Variants in ERI2 observed in about 807,000 individuals in gnomAD.
ERI2 encodes ERI1 exoribonuclease 2.
ERI2 carries 35 observed loss-of-function variants against 46.8 expected under a neutral mutation model. The observed-to-expected ratio is 0.75, with a 90% CI of 0.57 to 0.99. ERI2 has a LOEUF of 0.99. Among genes scored for constraint, ERI2 ranks in the 50% least tolerant of loss-of-function variants. ERI2 has a pLI of 0.00. For synonymous variants in ERI2, 224 were observed against 271.0 expected (o/e 0.83, Z 1.70); for missense variants, 695 against 796.2 (o/e 0.87, Z 1.53).
At chr16:20,792,288 G>A (rs779369829), downstream of ERI2, 1 of 1,614,132 alleles carries the variant, frequency 6.2e-7, no homozygotes, top group Admixed American at 1.7e-5. Context: ...ACACCCTTCA[G>A]TTGCAGAGTC....
rs537290265 is a variant in ERI2, at chr16:20,780,585, C to G, written c.*57G>C. On this transcript the variant is annotated 3_prime_UTR_variant, in exon 11 of 11. Transcript: ENST00000300005. Reference sequence around the variant, plus strand: ...AAGTGATGGCTTTTACCCTGTAATTCAAGCTAAGCCACTGGCACCTGATTC... The same window carrying G: ...AAGTGATGGCTTTTACCCTGTAATTGAAGCTAAGCCACTGGCACCTGATTC... The G allele has an allele frequency of 8.2e-6, 13 of 1,591,616 alleles. No individual in the cohort carries two copies. In the Admixed American group the frequency reaches 1.0e-4, roughly 12 times the overall value.
chr16:20,796,159 G>C, downstream of ERI2: 1 of 706,722 alleles, frequency 1.4e-6, no homozygotes, highest in African/African-American at 1.8e-5. Context: ...GCTGGATGAG[G>C]CTGGGTTGTT....
intron 8 of ERI2, chr16:20,791,067 G>T: frequency 2.5e-6 from 2 of 797,928 alleles, no homozygotes; most frequent in Non-Finnish European, 4.0e-6. Context: ...GGGGGTGGTG[G>T]GATTAAGCAA....
chr16:20,783,222 C>T (rs1351947041), intron 10 of ERI2: 1 of 152,114 alleles, frequency 6.6e-6, no homozygotes, highest in African/African-American at 2.4e-5. Flanking sequence ...AAACTAGAGT[C>T]AAAGGCAAAA....
downstream of ERI2, among the ~76,000 whole-genome samples, chr16:20,795,166 A>G (rs897714355): frequency 2.0e-5 from 3 of 152,222 alleles, no homozygotes; most frequent in African/African-American, 7.2e-5. Flanking sequence ...GCACATGTAA[A>G]TTAAAAATGT....
At chr16:20,789,436 G>A in intron 10 of ERI2, 5 of 1,384,070 alleles carry the variant, frequency 3.6e-6, no homozygotes, top group Non-Finnish European at 5.1e-6. Context: ...GGAATGATGA[G>A]GATTGGAGAG....
chr16:20,780,416 G>A (rs1417650867), exon 11 of ERI2: 2 of 550,458 alleles, frequency 3.6e-6, no homozygotes, highest in Admixed American at 6.5e-5. Flanking sequence ...TACTCTGCTG[G>A]AGGTATGATA....
chr16:20,789,375 T>G, intron 10 of ERI2: 1 of 823,956 alleles, frequency 1.2e-6, no homozygotes, highest in South Asian at 1.5e-5. Context: ...CATTAATTAC[T>G]TAGCATGTAT....
intron 10 of ERI2, among the ~76,000 whole-genome samples, chr16:20,782,021 A>T (rs1407208734): frequency 6.6e-6 from 1 of 152,170 alleles, no homozygotes. Context: ...TTATAGCTCT[A>T]AGCCCAGTGG....
chr16:20,783,259 C>T (rs1323302348), intron 10 of ERI2: 1 of 152,196 alleles, frequency 6.6e-6, no homozygotes, highest in Non-Finnish European at 1.5e-5. Context: ...ACTCCTAGCA[C>T]ACCCATCACT....
exon 11 of ERI2, chr16:20,780,631 T>G: frequency 1.2e-6 from 2 of 1,613,394 alleles, no homozygotes; most frequent in Non-Finnish European, 1.7e-6. Context: ...GAGGTTCAAG[T>G]GGAGAGCTTC....
At chr16:20,793,664 A>C (rs1261445069), downstream of ERI2, among the ~76,000 whole-genome samples, 1 of 152,172 alleles carries the variant, frequency 6.6e-6, no homozygotes, top group Non-Finnish European at 1.5e-5. Flanking sequence ...TAGTTTGTCA[A>C]GTTGCTAGGA....
intron 10 of ERI2, among the ~76,000 whole-genome samples, chr16:20,782,591 A>G (rs568685001): frequency 6.6e-6 from 1 of 152,254 alleles, no homozygotes; most frequent in Admixed American, 6.5e-5. Context: ...GATTTAATTC[A>G]GTCTGACATT....
chr16:20,780,574 A>G, exon 11 of ERI2: 3 of 1,569,392 alleles, frequency 1.9e-6, no homozygotes, highest in Non-Finnish European at 2.6e-6. Flanking sequence ...GATGGCTTTT[A>G]CCCTGTAATT....
chr16:20,801,568 A>G (rs1301017976), intron 4 of ERI2, among the ~76,000 whole-genome samples: 2 of 152,200 alleles, frequency 1.3e-5, no homozygotes, highest in Admixed American at 6.5e-5. Context: ...CGTGGGAAAG[A>G]AAGAATATTT....
At chr16:20,806,361 G>T in intron 1 of ERI2, 47 bp downstream of exon 1, 1 of 1,547,236 alleles carries the variant, frequency 6.5e-7, no homozygotes, top group Middle Eastern at 1.7e-4. Flanking sequence ...CAACGCCAGC[G>T]CTGGACCCGG....
Position 20,803,594 on chromosome 16 carries a change from A to G in ERI2, c.91+9T>C, listed in dbSNP as rs745952453. On this transcript the variant is annotated intron_variant, in intron 2 of 8. Transcript: ENST00000357967. The stretch of plus-strand genomic sequence containing the variant: ...TACAAAATGCAAAGAAACTAAGCAT[A>G]CTACTCACTGGATTTGCTTCTTCCG... 3.7e-6 allele frequency: 6 copies of G among 1,614,052 alleles called. No homozygotes were observed. The highest frequency in any genetic ancestry group is 4.5e-5 in the East Asian group (2 of 44,906).
chr16:20,796,719 C>T lies in ERI2; in HGVS notation c.*1005G>A. 6.7e-7 allele frequency: 1 copy of T among 1,488,260 alleles called. No individual in the cohort carries two copies. Among genetic ancestry groups the T allele is most frequent in the African/African-American group, 1.4e-5 (1 of 70,128 alleles). 92.2% of individuals were successfully genotyped at this position (1,488,260 alleles called of 1,614,324 possible). A position where few individuals can be genotyped will look rare whatever the true frequency, so the allele number is the denominator to read the frequency against. ...TCACAGTAAATACTTAATATCAAGA[C>T]AACTTTCCTAACAATACCCTTTTCC... On this transcript the variant is annotated 3_prime_UTR_variant, in exon 9 of 9. Coordinates refer to ENST00000357967, the MANE Select transcript of ERI2 (RefSeq NM_001142725.2).
intron 10 of ERI2, chr16:20,786,103 G>A (rs1596530686): frequency 6.3e-7 from 1 of 1,598,368 alleles, no homozygotes; most frequent in East Asian, 2.3e-5. Context: ...AATTTTAAGG[G>A]AATGAAAATT....
Sources: gnomAD v4.1 joint callset for allele counts (sites outside exome capture counted in the v4.1 genomes callset) on GRCh38, gnomAD v4.1.1 for gene constraint, MANE v1.5 for transcripts, NCBI Gene and HGNC (gene_info 2026-07-23, HGNC 2026-07-21) for gene names.